Variants in TSHZ2 observed in about 807,000 individuals in gnomAD.
TSHZ2 encodes the protein teashirt homolog 2.
Under a neutral mutation model 74.4 loss-of-function variants are expected in TSHZ2, and 21 were observed. The ratio of observed to expected loss-of-function variants is 0.28; its 90% confidence interval spans 0.20 to 0.41. The LOEUF (loss-of-function observed/expected upper bound fraction) is 0.41. Among genes scored for constraint, TSHZ2 ranks in the 10% least tolerant of loss-of-function variants. TSHZ2 has a pLI of 1.00. For synonymous variants in TSHZ2, 540 were observed against 515.3 expected (o/e 1.05, Z -0.65); for missense variants, 1,244 against 1,293.5 (o/e 0.96, Z 0.59).
intron 1 of TSHZ2, among the ~76,000 whole-genome samples, chr20:53,017,789 A>G (rs1452047723): frequency 6.6e-6 from 1 of 152,172 alleles, no homozygotes; most frequent in African/African-American, 2.4e-5. Context: ...ATGGTTAAGA[A>G]CTTTCTTTTC....
chr20:53,138,255 G>A (rs1987297127), intron 1 of TSHZ2, among the ~76,000 whole-genome samples: 1 of 151,936 alleles, frequency 6.6e-6, no homozygotes, highest in Admixed American at 6.6e-5. Context: ...GTGGTGGTGG[G>A]CGCCTGTAGT....
intron 2 of TSHZ2, among the ~76,000 whole-genome samples, chr20:53,308,164 CAT>C (rs1251471307): frequency 2.0e-5 from 3 of 152,152 alleles, no homozygotes; most frequent in Non-Finnish European, 2.9e-5. Context: ...AAGAAATAGA[CAT>C]GTGTACTGGG....
chr20:53,130,484 G>C (rs1987073006), intron 1 of TSHZ2, among the ~76,000 whole-genome samples: 2 of 152,146 alleles, frequency 1.3e-5, no homozygotes, highest in Admixed American at 6.5e-5. Context: ...AAGTTCGCCA[G>C]GTGTGGTGGC....
intron 2 of TSHZ2, among the ~76,000 whole-genome samples, chr20:53,465,823 A>G (rs887470292): frequency 2.0e-5 from 3 of 152,186 alleles, no homozygotes; most frequent in African/African-American, 7.2e-5. Context: ...GAAAACTACC[A>G]TTAAAATGAA....
intron 1 of TSHZ2, among the ~76,000 whole-genome samples, chr20:53,191,669 A>C (rs1228897561): frequency 1.3e-5 from 2 of 152,238 alleles, no homozygotes; most frequent in Non-Finnish European, 2.9e-5. Context: ...TCTCAAAAAA[A>C]ATTGAGTTAA....
intron 1 of TSHZ2, among the ~76,000 whole-genome samples, chr20:53,081,363 G>T (rs552378437): frequency 6.6e-6 from 1 of 152,272 alleles, no homozygotes; most frequent in East Asian, 1.9e-4. Context: ...GCTCCAAAAT[G>T]GTGGATACAC....
intron 1 of TSHZ2, among the ~76,000 whole-genome samples, chr20:52,995,383 C>T (rs1209590312): frequency 1.3e-5 from 2 of 152,168 alleles, no homozygotes; most frequent in Non-Finnish European, 2.9e-5. Flanking sequence ...TTGACCTTAA[C>T]CTACATAGGT....
chr20:52,995,544 G>A (rs1419105723), intron 1 of TSHZ2, among the ~76,000 whole-genome samples: 1 of 151,948 alleles, frequency 6.6e-6, no homozygotes, highest in Admixed American at 6.6e-5. Flanking sequence ...TCTCTATAGG[G>A]TTGCAACCAA....
intron 2 of TSHZ2, among the ~76,000 whole-genome samples, chr20:53,349,620 C>G (rs1250001245): frequency 6.7e-6 from 1 of 148,988 alleles, no homozygotes; most frequent in Non-Finnish European, 1.5e-5. Context: ...CCACTGCACT[C>G]CAGCCTGGGT....
intron 1 of TSHZ2, among the ~76,000 whole-genome samples, chr20:53,162,158 A>G (rs1413997237): frequency 6.6e-6 from 1 of 152,124 alleles, no homozygotes; most frequent in Non-Finnish European, 1.5e-5. Context: ...TGTGGATTGC[A>G]TTATTCTTTT....
At chr20:53,171,158 C>T (rs1475041780) in intron 1 of TSHZ2, among the ~76,000 whole-genome samples, 2 of 152,158 alleles carry the variant, frequency 1.3e-5, no homozygotes, top group Non-Finnish European at 2.9e-5. Flanking sequence ...ATCCGAAAGC[C>T]TTAAAGGGCT....
chr20:52,983,772 A>G (rs1236233948), intron 1 of TSHZ2, among the ~76,000 whole-genome samples: 6 of 152,184 alleles, frequency 3.9e-5, no homozygotes, highest in Admixed American at 3.3e-4. Context: ...CATCTTCTAG[A>G]CAGTGCTTGC....
intron 1 of TSHZ2, among the ~76,000 whole-genome samples, chr20:53,056,037 T>A (rs1012058606): frequency 2.0e-5 from 3 of 152,246 alleles, no homozygotes; most frequent in Admixed American, 6.5e-5. Flanking sequence ...TATCTGAGAT[T>A]ACTTATTTTT....
chr20:53,260,077 C>T (rs1990571541), intron 2 of TSHZ2, among the ~76,000 whole-genome samples: 1 of 151,896 alleles, frequency 6.6e-6, no homozygotes, highest in Non-Finnish European at 1.5e-5. Flanking sequence ...TTCTTTCCTT[C>T]CTTCTTTTCT....
At chr20:53,293,973 A>G (rs2145464953) in intron 2 of TSHZ2, among the ~76,000 whole-genome samples, 1 of 152,246 alleles carries the variant, frequency 6.6e-6, no homozygotes, top group East Asian at 1.9e-4. Flanking sequence ...CCGAGAGATC[A>G]TGCCACTGCA....
intron 1 of TSHZ2, among the ~76,000 whole-genome samples, chr20:52,993,940 G>A (rs140202799): frequency 1.5e-3 from 224 of 152,318 alleles, no homozygotes; most frequent in African/African-American, 4.9e-3. Flanking sequence ...TGGAAACCTT[G>A]CTGGGCTGAA....
intron 2 of TSHZ2, among the ~76,000 whole-genome samples, chr20:53,453,965 T>C (rs1206886978): frequency 2.6e-5 from 4 of 152,162 alleles, no homozygotes; most frequent in African/African-American, 9.7e-5. Context: ...TTTGAAAATA[T>C]CATGAGAGCT....
rs1600664577 is a variant in TSHZ2, at chr20:53,469,048, TATATATATATA to T, written c.*9-18095_*9-18085del. Among the ~76,000 whole-genome samples the T allele has an allele frequency of 5.7e-4, 53 of 93,742 alleles. 1 individual carries two copies. Among genetic ancestry groups the T allele is most frequent in the African/African-American group, 2.1e-3 (48 of 22,792 alleles). 61.5% of individuals were successfully genotyped at this position (93,742 alleles called of 152,430 possible). A position where few individuals can be genotyped will look rare whatever the true frequency, so the allele number is the denominator to read the frequency against. On this transcript the variant is annotated intron_variant, in intron 2 of 2. Transcript: ENST00000371497. ...TAAAGGCTCTGAAATCGATATTTTATATATATATATATATATATATATATATATATATATAT... is the reference window on the plus strand; with the variant it reads ...TAAAGGCTCTGAAATCGATATTTTATTATATATATATATATATATATATAT...
At chr20:53,013,810 A>G (rs1253665769) in intron 1 of TSHZ2, among the ~76,000 whole-genome samples, 1 of 152,230 alleles carries the variant, frequency 6.6e-6, no homozygotes, top group Non-Finnish European at 1.5e-5. Flanking sequence ...GTGGTTTTAA[A>G]AAATCTTCTT....
Sources: allele counts gnomAD v4.1 joint callset (sites outside exome capture counted in the v4.1 genomes callset), GRCh38; gene constraint gnomAD v4.1.1; transcripts MANE v1.5; gene names NCBI Gene and HGNC (gene_info 2026-07-23, HGNC 2026-07-21).